Variants in PRKCA observed in about 807,000 individuals in gnomAD.
PRKCA encodes the protein protein kinase C alpha type.
Under a neutral mutation model 87.0 loss-of-function variants are expected in PRKCA, and 27 were observed. The ratio of observed to expected loss-of-function variants is 0.31; its 90% CI spans 0.23 to 0.43. PRKCA has a LOEUF of 0.43. Among genes scored for constraint, PRKCA ranks in the 20% least tolerant of loss-of-function variants. PRKCA has a pLI of 1.00. For synonymous variants in PRKCA, 329 were observed against 311.1 expected (o/e 1.06, Z -0.61); for missense variants, 518 against 852.3 (o/e 0.61, Z 4.88).
chr17:66,684,605 A>G (rs1223571125), intron 5 of PRKCA, among the ~76,000 whole-genome samples: 1 of 152,248 alleles, frequency 6.6e-6, no homozygotes, highest in Non-Finnish European at 1.5e-5. Context: ...TCAGTAGGAC[A>G]CTCACAGCTT....
At chr17:66,417,678 G>A (rs1912235528) in intron 2 of PRKCA, among the ~76,000 whole-genome samples, 1 of 152,244 alleles carries the variant, frequency 6.6e-6, no homozygotes, top group African/African-American at 2.4e-5. Flanking sequence ...ACAGCTACCT[G>A]TTGCCCATTG....
intron 3 of PRKCA, among the ~76,000 whole-genome samples, chr17:66,533,135 C>T (rs1487270277): frequency 6.6e-6 from 1 of 152,194 alleles, no homozygotes; most frequent in African/African-American, 2.4e-5. Flanking sequence ...TTGATTCCTA[C>T]ACTTATTCTC....
At chr17:66,801,591 G>A (rs771994490) in intron 16 of PRKCA, among the ~76,000 whole-genome samples, 6 of 152,224 alleles carry the variant, frequency 3.9e-5, no homozygotes, top group African/African-American at 1.4e-4. Flanking sequence ...GCCTTTCTCC[G>A]TGTTTGCAAA....
At chr17:66,574,262 A>G (rs188192944) in intron 3 of PRKCA, among the ~76,000 whole-genome samples, 6 of 152,328 alleles carry the variant, frequency 3.9e-5, no homozygotes, top group African/African-American at 1.4e-4. Context: ...TGAAATGGTC[A>G]TTCCAGTGGA....
intron 2 of PRKCA, among the ~76,000 whole-genome samples, chr17:66,380,209 GTT>G (rs1036374664): frequency 1.4e-5 from 2 of 143,170 alleles, no homozygotes; most frequent in African/African-American, 2.6e-5. Flanking sequence ...GCTTCATAGG[GTT>G]TTTTTTTTTT....
At chr17:66,774,481 C>A (rs549801844) in intron 14 of PRKCA, 6 of 695,394 alleles carry the variant, frequency 8.6e-6, no homozygotes, top group African/African-American at 1.9e-5. Flanking sequence ...ATTAGCCAGG[C>A]GTGGTGGTGC....
At chr17:66,704,122 A>C (rs1973133291) in intron 8 of PRKCA, among the ~76,000 whole-genome samples, 1 of 151,750 alleles carries the variant, frequency 6.6e-6, no homozygotes, top group Non-Finnish European at 1.5e-5. Flanking sequence ...GTGCCTGACT[A>C]TAAAACCTTT....
At chr17:66,368,454 G>C (rs1445465306) in intron 2 of PRKCA, among the ~76,000 whole-genome samples, 5 of 132,794 alleles carry the variant, frequency 3.8e-5, no homozygotes, top group African/African-American at 1.4e-4. Context: ...GCAGTGGTGC[G>C]ATCTCGACTC....
At chr17:66,797,572 T>C (rs1397936661) in intron 16 of PRKCA, among the ~76,000 whole-genome samples, 3 of 152,190 alleles carry the variant, frequency 2.0e-5, no homozygotes, top group Non-Finnish European at 4.4e-5. Flanking sequence ...GCCCACTAGT[T>C]CCCTGGATCC....
intron 5 of PRKCA, among the ~76,000 whole-genome samples, chr17:66,650,688 C>CCTA (rs1256718326): frequency 6.6e-6 from 1 of 152,080 alleles, no homozygotes; most frequent in Admixed American, 6.5e-5. Flanking sequence ...ACTCCTCCTG[C>CCTA]CTACCTAGGG....
At chr17:66,582,159 A>G (rs1411475903) in intron 3 of PRKCA, among the ~76,000 whole-genome samples, 3 of 152,186 alleles carry the variant, frequency 2.0e-5, no homozygotes, top group Non-Finnish European at 4.4e-5. Context: ...TGCGTCGTGT[A>G]TAGTAATTGC....
chr17:66,429,076 G>C (rs1912966827), intron 2 of PRKCA, among the ~76,000 whole-genome samples: 1 of 151,944 alleles, frequency 6.6e-6, no homozygotes, highest in Non-Finnish European at 1.5e-5. Flanking sequence ...TTTTGTGGTA[G>C]TTTTTCACGC....
At chr17:66,611,231 A>G (rs1486672305) in intron 3 of PRKCA, among the ~76,000 whole-genome samples, 5 of 152,202 alleles carry the variant, frequency 3.3e-5, no homozygotes, top group Non-Finnish European at 7.3e-5. Context: ...TTTAAAGTGT[A>G]TAGCTCAGTG....
intron 5 of PRKCA, among the ~76,000 whole-genome samples, chr17:66,650,680 T>G (rs937248382): frequency 4.6e-5 from 7 of 152,138 alleles, no homozygotes; most frequent in Admixed American, 2.0e-4. Context: ...GCCCAGAGAC[T>G]CCTCCTGCCT....
intron 3 of PRKCA, among the ~76,000 whole-genome samples, chr17:66,531,599 C>T (rs1967543675): frequency 6.6e-6 from 1 of 152,152 alleles, no homozygotes; most frequent in Admixed American, 6.5e-5. Context: ...CTTATTTTTA[C>T]AGAGTGCCCT....
intron 14 of PRKCA, chr17:66,775,348 T>C: frequency 3.0e-6 from 3 of 985,108 alleles, no homozygotes; most frequent in Non-Finnish European, 3.6e-6. Flanking sequence ...ATCAGTTACA[T>C]AGGATATCTT....
chr17:66,523,479 GTT>G (rs748644224), intron 3 of PRKCA, among the ~76,000 whole-genome samples: 12 of 152,160 alleles, frequency 7.9e-5, no homozygotes, highest in Non-Finnish European at 2.9e-5. Context: ...TATTTATAGA[GTT>G]TTGGGATGAA....
intron 8 of PRKCA, among the ~76,000 whole-genome samples, chr17:66,715,072 G>A (rs989504980): frequency 6.6e-6 from 1 of 151,696 alleles, no homozygotes; most frequent in Non-Finnish European, 1.5e-5. Flanking sequence ...AAAATTTTCC[G>A]TTGAGTAGTT....
In PRKCA at chr17:66,624,108, T is replaced by C. The variant is rs537303359; in HGVS notation, c.289-17247T>C. ...AATGGTAGCCGGACTAAGTAGGCACTGGGGAGTGACTAGAGGTTTTTGAGC... is the reference window on the plus strand; with the variant it reads ...AATGGTAGCCGGACTAAGTAGGCACCGGGGAGTGACTAGAGGTTTTTGAGC... On this transcript the variant is annotated intron_variant, in intron 3 of 16. Transcript: ENST00000413366. 4.6e-5 allele frequency among the ~76,000 whole-genome samples: 7 copies of C among 151,860 alleles called. No individual in the cohort carries two copies. The East Asian group carries it at 1.4e-3, about 30-fold the overall frequency.
Sources: gnomAD v4.1 joint callset for allele counts (sites outside exome capture counted in the v4.1 genomes callset) on GRCh38, gnomAD v4.1.1 for gene constraint, MANE v1.5 for transcripts, NCBI Gene and HGNC (gene_info 2026-07-23, HGNC 2026-07-21) for gene names.